PRUNE2: variants seen among roughly 807,000 people sequenced by gnomAD.
PRUNE2 encodes the protein prune homolog 2 with BCH domain.
A neutral mutation model predicts 252.0 loss-of-function variants in PRUNE2; 164 were observed. The observed-to-expected ratio is 0.65, with a 90% CI of 0.57 to 0.74. The LOEUF (loss-of-function observed/expected upper bound fraction) is 0.74. Ranked by LOEUF, PRUNE2 falls within the 30% of genes least tolerant of loss-of-function variation. PRUNE2 has a pLI of 0.00. For synonymous variants in PRUNE2, 1,292 were observed against 1,350.2 expected (o/e 0.96, Z 0.94); for missense variants, 3,495 against 3,711.0 (o/e 0.94, Z 1.51).
intron 6 of PRUNE2, among the ~76,000 whole-genome samples, chr9:76,809,619 C>G (rs542507396): frequency 4.9e-4 from 75 of 152,208 alleles, no homozygotes; most frequent in African/African-American, 1.8e-3. Flanking sequence ...TCACTTGAAC[C>G]AGGGAGGCAG....
At chr9:76,801,250 T>A (rs2056530955) in intron 6 of PRUNE2, among the ~76,000 whole-genome samples, 1 of 152,174 alleles carries the variant, frequency 6.6e-6, no homozygotes, top group South Asian at 2.1e-4. Context: ...TTTAAAAACT[T>A]TTTTCTCTCT....
intron 10 of PRUNE2, among the ~76,000 whole-genome samples, chr9:76,654,899 A>C (rs995541787): frequency 6.6e-6 from 1 of 152,218 alleles, no homozygotes; most frequent in Non-Finnish European, 1.5e-5. Flanking sequence ...GTAATGCAAG[A>C]GAGTGACCCT....
At chr9:76,905,260 A>G (rs1395310639) in intron 1 of PRUNE2, among the ~76,000 whole-genome samples, 19 of 152,230 alleles carry the variant, frequency 1.2e-4, no homozygotes, top group Admixed American at 1.2e-3. Context: ...TTGGACAGTG[A>G]TATGGTAAAC....
rs1348050926 is a variant in PRUNE2 at position 76,655,470 on chromosome 9, G to T, written c.8309C>A (p.Pro2770His). The T allele has an allele frequency of 6.2e-7, 1 of 1,612,856 alleles. No individual in the cohort carries two copies. Among genetic ancestry groups the T allele is most frequent in the East Asian group, 2.2e-5 (1 of 44,842 alleles). The change falls in exon 10 of 19, where the codon CCC becomes CAC. Residue 2770 changes from proline to histidine, a missense_variant. Physicochemically the swap from Pro to His is moderately conservative, Grantham distance 77. Transcript: ENST00000376718. ...LLSEDVGMDI[P>H]FEEGVLSPSA... ...GGGACTCAGCACGCCCTCTTCAAAG[G>T]GGATGTCCATTCCTACATCCTCTGA...
In PRUNE2 at chr9:76,615,265, A is replaced by T. The variant is rs1005280841; in HGVS notation, c.9237-665T>A. 4 of 984,216 alleles carry T rather than the reference A, an allele frequency of 4.1e-6. No individual in the cohort carries two copies. The Admixed American group carries it at 2.5e-4, about 60-fold the overall frequency. The allele number at this position is 984,216 out of a possible 1,614,324, so 61.0% of individuals were successfully genotyped here. On this transcript the variant is annotated intron_variant, in intron 18 of 18. Transcript: ENST00000376718. ...ACCGCATCCACCCAAGAGGAAGAAAACCAAAAGCCAGTAAATAGAGGAAGA... is the reference window on the plus strand; with the variant it reads ...ACCGCATCCACCCAAGAGGAAGAAATCCAAAAGCCAGTAAATAGAGGAAGA...
At chr9:76,618,570 T>C (rs17062768) in intron 18 of PRUNE2, among the ~76,000 whole-genome samples, 9,796 of 152,242 alleles carry the variant, frequency 0.064, 811 homozygotes, top group African/African-American at 0.18. Context: ...CTTAGGTGAA[T>C]AGTTTTGTCT....
In PRUNE2 at chr9:76,816,553, C is replaced by T. The variant is rs114804399; in HGVS notation, c.756+7079G>A. ...TCACACTTCAAATGCCTCACACCGACTGACTGTTAAATCCACACAATCAAA... is the reference window on the plus strand; with the variant it reads ...TCACACTTCAAATGCCTCACACCGATTGACTGTTAAATCCACACAATCAAA... On this transcript the variant is annotated intron_variant, in intron 6 of 18. Transcript: ENST00000376718. Among the ~76,000 whole-genome samples the T allele has an allele frequency of 5.4e-3, 816 of 152,332 alleles. 4 individuals are homozygous for T. Among genetic ancestry groups the T allele is most frequent in the African/African-American group, 0.019 (770 of 41,578 alleles).
intron 6 of PRUNE2, chr9:76,819,256 AT>A (rs1266446064): frequency 6.6e-6 from 1 of 152,226 alleles, no homozygotes; most frequent in Non-Finnish European, 1.5e-5. Flanking sequence ...TCTCAAAAAA[AT>A]AAATAAATAA....
At chr9:76,669,587 T>C (rs2040911512) in intron 9 of PRUNE2, among the ~76,000 whole-genome samples, 1 of 152,192 alleles carries the variant, frequency 6.6e-6, no homozygotes, top group African/African-American at 2.4e-5. Flanking sequence ...CCCAAAGTGC[T>C]GGGGTTACAG....
At chr9:76,772,694 G>C (rs1260320183) in intron 6 of PRUNE2, among the ~76,000 whole-genome samples, 2 of 152,094 alleles carry the variant, frequency 1.3e-5, no homozygotes, top group Non-Finnish European at 2.9e-5. Context: ...CTCCCCAGTA[G>C]CTGGGACTAT....
intron 9 of PRUNE2, among the ~76,000 whole-genome samples, chr9:76,665,350 G>T (rs912426858): frequency 6.6e-6 from 1 of 152,018 alleles, no homozygotes; most frequent in Non-Finnish European, 1.5e-5. Flanking sequence ...ACAGAATCGG[G>T]ATCTGGGACC....
At chr9:76,849,357 T>C (rs919514692) in intron 3 of PRUNE2, among the ~76,000 whole-genome samples, 1 of 152,222 alleles carries the variant, frequency 6.6e-6, no homozygotes, top group Non-Finnish European at 1.5e-5. Context: ...AAATCAATAA[T>C]CAAATGACCT....
At chr9:76,849,219 G>A (rs1317979416) in intron 3 of PRUNE2, among the ~76,000 whole-genome samples, 2 of 152,036 alleles carry the variant, frequency 1.3e-5, no homozygotes, top group Admixed American at 6.6e-5. Flanking sequence ...CCTGCATGTG[G>A]TTCTTTGGAC....
At chr9:76,840,474 T>C (rs775592964) in intron 4 of PRUNE2, among the ~76,000 whole-genome samples, 10 of 152,152 alleles carry the variant, frequency 6.6e-5, no homozygotes, top group Non-Finnish European at 1.5e-4. Context: ...ATGAAGTACT[T>C]AGCTCATAGA....
chr9:76,695,268 C>A (rs1459594626), intron 9 of PRUNE2, among the ~76,000 whole-genome samples: 2 of 121,228 alleles, frequency 1.6e-5, no homozygotes, highest in Non-Finnish European at 3.9e-5. Flanking sequence ...GAACTCCTCA[C>A]CTCACGTGAT....
intron 4 of PRUNE2, among the ~76,000 whole-genome samples, chr9:76,835,218 ATTGT>A (rs775551916): frequency 1.9e-4 from 29 of 152,190 alleles, no homozygotes; most frequent in African/African-American, 4.1e-4. Context: ...GAAGTCAGAA[ATTGT>A]TTGGGGAAAA....
intron 2 of PRUNE2, among the ~76,000 whole-genome samples, chr9:76,852,806 G>GTCTGTCTA (rs369240982): frequency 9.9e-4 from 76 of 76,536 alleles, no homozygotes; most frequent in African/African-American, 1.5e-3. Flanking sequence ...CTGTCTGTCT[G>GTCTGTCTA]TCTATCTATC....
chr9:76,774,514 A>G (rs965124669), intron 6 of PRUNE2, among the ~76,000 whole-genome samples: 2 of 134,880 alleles, frequency 1.5e-5, no homozygotes, highest in Admixed American at 8.8e-5. Context: ...GCTAGAGTGC[A>G]GTGGCACGAT....
chr9:76,894,441 C>T (rs1672629326), intron 1 of PRUNE2, among the ~76,000 whole-genome samples: 1 of 152,206 alleles, frequency 6.6e-6, no homozygotes, highest in African/African-American at 2.4e-5. Context: ...ACTGCCTTCT[C>T]AGGGAGCAGC....
Sources: allele counts gnomAD v4.1 joint callset (sites outside exome capture counted in the v4.1 genomes callset), GRCh38; gene constraint gnomAD v4.1.1; transcripts MANE v1.5; gene names NCBI Gene and HGNC (gene_info 2026-07-23, HGNC 2026-07-21).